Variants in CCBE1 observed in about 807,000 individuals in gnomAD.
CCBE1 encodes collagen and calcium-binding EGF domain-containing protein 1.
Under a neutral mutation model 50.0 loss-of-function variants are expected in CCBE1, and 37 were observed. That is an observed-to-expected ratio of 0.74 (90% CI 0.57 to 0.97). CCBE1 has a LOEUF of 0.97. Among genes scored for constraint, CCBE1 ranks in the 50% least tolerant of loss-of-function variants. The pLI, the probability that CCBE1 is intolerant of heterozygous loss-of-function variation, is 0.00. For missense variants in CCBE1, 538 were observed against 523.8 expected (o/e 1.03, Z -0.26); for synonymous variants, 234 against 203.7 (o/e 1.15, Z -1.27).
In CCBE1 at chr18:59,538,174, G is replaced by A. The variant is rs560636248; in HGVS notation, c.213-57936C>T. On this transcript the variant is annotated intron_variant, in intron 2 of 10. Coordinates refer to ENST00000439986, the MANE Select transcript of CCBE1 (RefSeq NM_133459.4). ...GTATATTTAACTCTATTATTGAATA[G>A]CTACAGTAAAAGCTATAGAGCGGGT... Among the ~76,000 whole-genome samples, 28 of 152,298 alleles carry A rather than the reference G, an allele frequency of 1.8e-4. No homozygotes were observed. The South Asian group carries it at 5.8e-3, about 32-fold the overall frequency.
intron 2 of CCBE1, among the ~76,000 whole-genome samples, chr18:59,558,184 A>G (rs1322463011): frequency 6.6e-6 from 1 of 152,224 alleles, no homozygotes; most frequent in Non-Finnish European, 1.5e-5. Context: ...CAGGGAACAT[A>G]ATTTTACACA....
In CCBE1 at chr18:59,454,874, T is replaced by A; in HGVS notation, c.631A>T (p.Thr211Ser). 6.2e-7 allele frequency: 1 copy of A among 1,614,218 alleles called. No individual in the cohort carries two copies. The highest frequency in any genetic ancestry group is 1.3e-5 in the African/African-American group (1 of 75,082). The change falls in exon 6 of 11, where the codon ACC becomes TCC. Residue 211 changes from threonine to serine, a missense_variant. Coordinates refer to ENST00000439986, the MANE Select transcript of CCBE1 (RefSeq NM_133459.4). Reference sequence around the variant, plus strand: ...ACCTTTTGCTTCAGCTGCAGCACGGTCTGCTTCATCTGGTAGAACTCCTTG... The same window carrying A: ...ACCTTTTGCTTCAGCTGCAGCACGGACTGCTTCATCTGGTAGAACTCCTTG... ...TCKEFYQMKQTVLQLKQKIAL... is the reference protein window; with the variant it reads ...TCKEFYQMKQSVLQLKQKIAL...
intron 3 of CCBE1, among the ~76,000 whole-genome samples, chr18:59,479,605 T>C (rs1912469924): frequency 1.3e-5 from 2 of 152,226 alleles, no homozygotes; most frequent in South Asian, 4.1e-4. Flanking sequence ...GAAAGTAACC[T>C]GAACTTGCCC....
rs1387722582 is a variant in CCBE1 at position 59,628,832 on chromosome 18, C to T, written c.212+67797G>A. On this transcript the variant is annotated intron_variant, in intron 2 of 10. Transcript: ENST00000439986. ...AGGCCACCAACCTGCCTAGCTATAA[C>T]CAAAAACTCAGAGCCATCCTTGACT... 1.3e-5 allele frequency among the ~76,000 whole-genome samples: 2 copies of T among 152,170 alleles called. 1 individual carries two copies.
At chr18:59,606,447 A>G (rs1008587001) in intron 2 of CCBE1, among the ~76,000 whole-genome samples, 1 of 152,222 alleles carries the variant, frequency 6.6e-6, no homozygotes, top group Non-Finnish European at 1.5e-5. Flanking sequence ...CATTATCTGC[A>G]TACTTAACAG....
intron 2 of CCBE1, among the ~76,000 whole-genome samples, chr18:59,682,574 A>G (rs968240079): frequency 1.3e-5 from 2 of 152,214 alleles, no homozygotes; most frequent in African/African-American, 4.8e-5. Flanking sequence ...ATGCCTCCAT[A>G]CAATTAAATG....
chr18:59,544,509 A>G (rs1226170169), intron 2 of CCBE1, among the ~76,000 whole-genome samples: 1 of 152,182 alleles, frequency 6.6e-6, no homozygotes, highest in Non-Finnish European at 1.5e-5. Context: ...GCTCACATGC[A>G]CCCATGTATT....
chr18:59,469,652 G>C, intron 3 of CCBE1, 45 bp from the exon 4 acceptor site: 1 of 1,612,490 alleles, frequency 6.2e-7, no homozygotes, highest in Non-Finnish European at 8.5e-7. Context: ...AGGAGGAGGC[G>C]GAGTAACCTG....
At chr18:59,555,313 GCAC>G (rs1435829836) in intron 2 of CCBE1, among the ~76,000 whole-genome samples, 9 of 152,118 alleles carry the variant, frequency 5.9e-5, no homozygotes, top group African/African-American at 2.2e-4. Flanking sequence ...GAATTTGATG[GCAC>G]ATTTTAATAG....
chr18:59,616,113 G>A (rs1371613652), intron 2 of CCBE1, among the ~76,000 whole-genome samples: 2 of 152,124 alleles, frequency 1.3e-5, no homozygotes, highest in Non-Finnish European at 2.9e-5. Context: ...TGAGGATCTG[G>A]GTTAGAGGGA....
chr18:59,633,684 A>G (rs1046617798), intron 2 of CCBE1, among the ~76,000 whole-genome samples: 5 of 152,156 alleles, frequency 3.3e-5, no homozygotes, highest in African/African-American at 1.2e-4. Flanking sequence ...AACAGAACGA[A>G]GCCAATCCAT....
At chr18:59,565,742 G>A (rs11872955) in intron 2 of CCBE1, among the ~76,000 whole-genome samples, 3,740 of 152,076 alleles carry the variant, frequency 0.025, 166 homozygotes, top group African/African-American at 0.086. Context: ...AGGGGAAGAC[G>A]GGTTGTCACT....
intron 2 of CCBE1, among the ~76,000 whole-genome samples, chr18:59,483,042 C>T (rs1912651526): frequency 6.6e-6 from 1 of 152,124 alleles, no homozygotes; most frequent in Admixed American, 6.5e-5. Context: ...ATGTCACCTA[C>T]AGCCTATCAT....
At chr18:59,567,616 T>C (rs899048778) in intron 2 of CCBE1, among the ~76,000 whole-genome samples, 1 of 152,156 alleles carries the variant, frequency 6.6e-6, no homozygotes, top group African/African-American at 2.4e-5. Flanking sequence ...AATGTAGCAA[T>C]TCTATCAGTG....
intron 2 of CCBE1, among the ~76,000 whole-genome samples, chr18:59,649,456 C>T (rs935104272): frequency 6.6e-6 from 1 of 152,210 alleles, no homozygotes; most frequent in East Asian, 1.9e-4. Context: ...TAAAGCTTTA[C>T]GTGTAATGAT....
At chr18:59,481,495 A>T (rs1460964934) in intron 2 of CCBE1, among the ~76,000 whole-genome samples, 1 of 152,204 alleles carries the variant, frequency 6.6e-6, no homozygotes. Flanking sequence ...CAAACGCCTA[A>T]CTACACACAT....
chr18:59,493,475 T>G (rs1211183979), intron 2 of CCBE1, among the ~76,000 whole-genome samples: 4 of 152,254 alleles, frequency 2.6e-5, no homozygotes, highest in African/African-American at 9.6e-5. Context: ...AATATTAAGT[T>G]TGACTTAAAG....
intron 2 of CCBE1, among the ~76,000 whole-genome samples, chr18:59,620,041 G>C (rs1380652362): frequency 6.6e-6 from 1 of 152,160 alleles, no homozygotes; most frequent in Non-Finnish European, 1.5e-5. Flanking sequence ...TGTAAGCCAA[G>C]TCAAAAGAGG....
intron 2 of CCBE1, among the ~76,000 whole-genome samples, chr18:59,554,626 A>T (rs530955861): frequency 6.6e-6 from 1 of 152,368 alleles, no homozygotes; most frequent in East Asian, 1.9e-4. Flanking sequence ...GATGAACTCT[A>T]GTATAGAACA....
Sources: allele counts gnomAD v4.1 joint callset (sites outside exome capture counted in the v4.1 genomes callset), GRCh38; gene constraint gnomAD v4.1.1; transcripts MANE v1.5; gene names NCBI Gene and HGNC (gene_info 2026-07-23, HGNC 2026-07-21).